The following OR4F6 variants were observed in gnomAD, a reference collection of about 807,000 sequenced individuals.
OR4F6 encodes olfactory receptor 4F6.
OR4F6 carries 13 observed loss-of-function variants against 15.9 expected under a neutral mutation model. The observed-to-expected ratio is 0.82, with a 90% CI of 0.53 to 1.30. The LOEUF (loss-of-function observed/expected upper bound fraction) is 1.30, where lower values mean the gene tolerates loss of function less well. Among genes scored for constraint, OR4F6 ranks in the 50% most tolerant of loss-of-function variants. OR4F6 has a pLI of 0.00. For synonymous variants in OR4F6, 150 were observed against 133.8 expected (o/e 1.12, Z -0.83); for missense variants, 426 against 367.2 (o/e 1.16, Z -1.31).
intron 1 of OR4F6, among the ~76,000 whole-genome samples, chr15:101,804,891 G>T (rs1902771074): frequency 6.6e-6 from 1 of 152,126 alleles, no homozygotes; most frequent in Non-Finnish European, 1.5e-5. Context: ...AAAGTCTTGT[G>T]TAAAAATTAA....
Position 101,806,022 on chromosome 15 carries a change from C to A in OR4F6, c.303C>A (p.Ile101=), listed in dbSNP as rs147056953. The part of the protein sequence containing the change: ...TISFGGCVVQ[I]FFIHAVGGTE... ...CTTTTGGGGGCTGTGTAGTTCAGAT[C>A]TTCTTTATCCATGCAGTTGGGGGAA... The change falls in exon 2 of 2, where the codon ATC becomes ATA. Residue 101 remains isoleucine (I), a synonymous_variant. Coordinates refer to ENST00000328882, the MANE Select transcript of OR4F6 (RefSeq NM_001005326.2). The A allele has an allele frequency of 6.2e-7, 1 of 1,614,170 alleles. No homozygotes were observed.
intron 1 of OR4F6, among the ~76,000 whole-genome samples, chr15:101,804,351 T>C (rs1449491866): frequency 6.6e-6 from 1 of 152,262 alleles, no homozygotes; most frequent in African/African-American, 2.4e-5. Context: ...CACATGACTT[T>C]AATTCATTTC....
At chr15:101,804,362 C>A (rs756389154) in intron 1 of OR4F6, among the ~76,000 whole-genome samples, 6 of 152,160 alleles carry the variant, frequency 3.9e-5, no homozygotes, top group Non-Finnish European at 7.3e-5. Flanking sequence ...AATTCATTTC[C>A]CATTTCTGTT....
At position 101,805,825 on chromosome 15, in the gene OR4F6, G is replaced by T. The variant is rs748758669; in HGVS notation, c.106G>T (p.Val36Leu). 1 of 1,614,120 alleles carries T rather than the reference G, an allele frequency of 6.2e-7. No individual in the cohort carries two copies. Residue 36 changes from valine to leucine, a missense_variant, in exon 2 of 2, where the codon GTG (valine) becomes TTG (leucine). By Grantham distance (32) the Val-to-Leu change is conservative (BLOSUM62 1). Coordinates refer to ENST00000328882, the MANE Select transcript of OR4F6 (RefSeq NM_001005326.2). The part of the protein sequence containing the change: ...LLFLFFSVFY[V>L]SSLMGNLLIV... Reference sequence around the variant, plus strand: ...CTTCCTCTTTTTCTCAGTGTTCTATGTGTCAAGCCTGATGGGAAATCTCCT... The same window carrying T: ...CTTCCTCTTTTTCTCAGTGTTCTATTTGTCAAGCCTGATGGGAAATCTCCT...
rs1455509273 is a variant in OR4F6 at position 101,804,425 on chromosome 15, AGAT to A, written c.-34+884_-34+886del. Reference sequence around the variant, plus strand: ...CAGAGGACAGAGTGAGTTGATCAGTAGATGATCTCTGGAGTATCTTTTTTTGTT... The same window carrying A: ...CAGAGGACAGAGTGAGTTGATCAGTAGATCTCTGGAGTATCTTTTTTTGTT... On this transcript the variant is annotated intron_variant, in intron 1 of 1. Coordinates refer to ENST00000328882, the MANE Select transcript of OR4F6 (RefSeq NM_001005326.2). Among the ~76,000 whole-genome samples the A allele has an allele frequency of 2.6e-5, 4 of 152,350 alleles. No individual in the cohort carries two copies. The East Asian group carries it at 7.7e-4, about 29-fold the overall frequency.
chr15:101,806,425 G>C lies in OR4F6; in HGVS notation c.706G>C (p.Ala236Pro), dbSNP rs754682551. 7.4e-6 allele frequency: 12 copies of C among 1,613,412 alleles called. No homozygotes were observed. The East Asian group carries it at 2.7e-4, about 36-fold the overall frequency. ...QKKSSGGIFK[A>P]FSMLSAHVIV... The stretch of plus-strand genomic sequence containing the variant: ...AAAATCTTCAGGTGGTATATTCAAG[G>C]CTTTCTCTATGCTGTCAGCTCATGT... The change falls in exon 2 of 2, where the codon GCT (alanine) becomes CCT (proline). Residue 236 changes from alanine to proline, a missense_variant. Physicochemically the swap from Ala to Pro is conservative, Grantham distance 27. Coordinates refer to ENST00000328882, the MANE Select transcript of OR4F6 (RefSeq NM_001005326.2).
chr15:101,806,714 G>A lies in OR4F6; in HGVS notation c.*56G>A, dbSNP rs1352230441. 2.0e-6 allele frequency: 2 copies of A among 988,434 alleles called. No homozygotes were observed. Among genetic ancestry groups the A allele is most frequent in the Non-Finnish European group, 2.9e-6 (2 of 681,294 alleles). 61.2% of individuals were successfully genotyped at this position (988,434 alleles called of 1,614,324 possible). A position where few individuals can be genotyped will look rare whatever the true frequency, so the allele number is the denominator to read the frequency against. On this transcript the variant is annotated 3_prime_UTR_variant, in exon 2 of 2. Coordinates refer to ENST00000328882, the MANE Select transcript of OR4F6 (RefSeq NM_001005326.2). The stretch of plus-strand genomic sequence containing the variant: ...ATACTAGAATTTCAGACAGATATGT[G>A]TTAAGTAAGCTATGTTAAATTTAAC...
intron 1 of OR4F6, 77 bp from the exon 2 acceptor site, chr15:101,805,608 CAT>C (rs562836724): frequency 3.9e-6 from 3 of 773,902 alleles, no homozygotes; most frequent in Non-Finnish European, 6.3e-6. Context: ...TTTCTGACAA[CAT>C]ATGAATTGCT....
Position 101,806,368 on chromosome 15 carries a change from T to C in OR4F6, c.649T>C (p.Ser217Pro). ...SLASFLILII[S>P]YIFILVTVQK... is the part of the protein sequence containing the mutation. Reference sequence around the variant, plus strand: ...GGCTTCTTTTTTAATTCTCATAATCTCTTACATCTTTATTTTGGTGACTGT... The same window carrying C: ...GGCTTCTTTTTTAATTCTCATAATCCCTTACATCTTTATTTTGGTGACTGT... The change falls in exon 2 of 2, where the codon TCT becomes CCT. Residue 217 changes from serine to proline, a missense_variant. Coordinates refer to ENST00000328882, the MANE Select transcript of OR4F6 (RefSeq NM_001005326.2). 6.2e-7 allele frequency: 1 copy of C among 1,614,082 alleles called. No homozygotes were observed. The highest frequency in any genetic ancestry group is 8.5e-7 in the Non-Finnish European group (1 of 1,179,970).
Position 101,805,957 on chromosome 15 carries a change from A to T in OR4F6, c.238A>T (p.Lys80Ter). The T allele has an allele frequency of 6.2e-7, 1 of 1,614,060 alleles. No homozygotes were observed. The highest frequency in any genetic ancestry group is 8.5e-7 in the Non-Finnish European group (1 of 1,180,002). Reference sequence around the variant, plus strand: ...GGTATTTTGTTCCTCCACAGCTCCCAAGATGATTTATGACCTTTTCAGGAA... The same window carrying T: ...GGTATTTTGTTCCTCCACAGCTCCCTAGATGATTTATGACCTTTTCAGGAA... ...NLVFCSSTAPKMIYDLFRKHK... is the reference protein window; with the variant it reads ...NLVFCSSTAP The change falls in exon 2 of 2, where the codon AAG becomes TAG. Residue 80 changes from lysine to a stop codon, truncating the protein, a stop_gained. Coordinates refer to ENST00000328882, the MANE Select transcript of OR4F6 (RefSeq NM_001005326.2). LOFTEE classifies it high-confidence loss of function.
chr15:101,805,172 A>T (rs1203680585), intron 1 of OR4F6, among the ~76,000 whole-genome samples: 1 of 152,228 alleles, frequency 6.6e-6, no homozygotes, highest in Non-Finnish European at 1.5e-5. Context: ...CAGAAATTCA[A>T]TAGTGTTCTT....
At chr15:101,805,606 A>G (rs1596370305) in intron 1 of OR4F6, 81 bp from the exon 2 acceptor site, 8 of 758,102 alleles carry the variant, frequency 1.1e-5, no homozygotes, top group Non-Finnish European at 1.7e-5. Context: ...GTTTTCTGAC[A>G]ACATATGAAT....
chr15:101,805,537 G>A, intron 1 of OR4F6, 150 bp from the exon 2 acceptor site: 1 of 587,800 alleles, frequency 1.7e-6, no homozygotes, highest in Non-Finnish European at 3.0e-6. Context: ...TACAATAGAG[G>A]AATATGAGTT....
intron 1 of OR4F6, among the ~76,000 whole-genome samples, chr15:101,805,443 G>T (rs1400648403): frequency 1.3e-5 from 2 of 152,038 alleles, no homozygotes; most frequent in African/African-American, 2.4e-5. Context: ...GTGTGTGTCT[G>T]TGTGTGTGTA....
In OR4F6 at chr15:101,805,961, T is replaced by G; in HGVS notation, c.242T>G (p.Met81Arg). The change falls in exon 2 of 2, where the codon ATG (methionine) becomes AGG (arginine). Residue 81 changes from methionine to arginine, a missense_variant. Transcript: ENST00000328882. ...TTTTGTTCCTCCACAGCTCCCAAGATGATTTATGACCTTTTCAGGAAGCAC... is the reference window on the plus strand; with the variant it reads ...TTTTGTTCCTCCACAGCTCCCAAGAGGATTTATGACCTTTTCAGGAAGCAC... Reference protein sequence around the residue: ...LVFCSSTAPKMIYDLFRKHKT... With the variant: ...LVFCSSTAPKRIYDLFRKHKT... 1 of 1,614,128 alleles carries G rather than the reference T, an allele frequency of 6.2e-7. No individual in the cohort carries two copies. The highest frequency in any genetic ancestry group is 8.5e-7 in the Non-Finnish European group (1 of 1,180,004).
In OR4F6 at chr15:101,806,560, G is replaced by C. The variant is rs761856071; in HGVS notation, c.841G>C (p.Val281Leu). 2 of 1,613,378 alleles carry C rather than the reference G, an allele frequency of 1.2e-6. No homozygotes were observed. The highest frequency in any genetic ancestry group is 1.7e-6 in the Non-Finnish European group (2 of 1,179,638). ...CATCTTTGATGCAGTTATCACTCCC[G>C]TTTTGAATCCAGTCATCTATACTTT... Reference protein sequence around the residue: ...LAIFDAVITPVLNPVIYTFRN... With the variant: ...LAIFDAVITPLLNPVIYTFRN... The change falls in exon 2 of 2, where the codon GTT becomes CTT. Residue 281 changes from valine (V) to leucine (L), a missense_variant. By Grantham distance (32) the Val-to-Leu change is conservative. Coordinates refer to ENST00000328882, the MANE Select transcript of OR4F6 (RefSeq NM_001005326.2).
At position 101,806,039 on chromosome 15, in the gene OR4F6, T is replaced by C. The variant is rs572327585; in HGVS notation, c.320T>C (p.Val107Ala). 4.9e-5 allele frequency: 79 copies of C among 1,614,134 alleles called. No homozygotes were observed. In the Middle Eastern group the frequency reaches 4.9e-3, roughly 101 times the overall value. Reference sequence around the variant, plus strand: ...GTTCAGATCTTCTTTATCCATGCAGTTGGGGGAACTGAGATGGTGCTGCTC... The same window carrying C: ...GTTCAGATCTTCTTTATCCATGCAGCTGGGGGAACTGAGATGGTGCTGCTC... Reference protein sequence around the residue: ...CVVQIFFIHAVGGTEMVLLIA... With the variant: ...CVVQIFFIHAAGGTEMVLLIA... The change falls in exon 2 of 2, where the codon GTT becomes GCT. Residue 107 changes from valine to alanine, a missense_variant. Val to Ala is a moderately conservative substitution (Grantham distance 64). Transcript: ENST00000328882.
intron 1 of OR4F6, among the ~76,000 whole-genome samples, chr15:101,804,290 A>G (rs940200365): frequency 3.3e-5 from 5 of 152,184 alleles, no homozygotes; most frequent in African/African-American, 1.2e-4. Flanking sequence ...ACAATGATCT[A>G]CATTTAAAAA....
At chr15:101,804,424 T>C (rs1384332009) in intron 1 of OR4F6, among the ~76,000 whole-genome samples, 1 of 152,230 alleles carries the variant, frequency 6.6e-6, no homozygotes, top group Non-Finnish European at 1.5e-5. Flanking sequence ...AGTTGATCAG[T>C]AGATGATCTC....
Sources: allele counts gnomAD v4.1 joint callset (sites outside exome capture counted in the v4.1 genomes callset), GRCh38; gene constraint gnomAD v4.1.1; transcripts MANE v1.5; gene names NCBI Gene and HGNC (gene_info 2026-07-23, HGNC 2026-07-21).